The following LRBA variants were observed in gnomAD, a reference collection of about 807,000 sequenced individuals.
LRBA encodes the protein LPS responsive beige-like anchor protein.
A neutral mutation model predicts 330.0 loss-of-function variants in LRBA; 176 were observed. The observed-to-expected ratio is 0.53, with a 90% CI of 0.47 to 0.60. The LOEUF (loss-of-function observed/expected upper bound fraction) is 0.60. Ranked by LOEUF, LRBA falls within the 20% of genes least tolerant of loss-of-function variation. The pLI is 0.00. For missense variants in LRBA, 3,259 were observed against 3,444.8 expected (o/e 0.95, Z 1.35); for synonymous variants, 1,230 against 1,193.0 (o/e 1.03, Z -0.64).
At chr4:150,591,747 G>A (rs1238149628) in intron 38 of LRBA, among the ~76,000 whole-genome samples, 1 of 152,032 alleles carries the variant, frequency 6.6e-6, no homozygotes, top group East Asian at 1.9e-4. Flanking sequence ...GCAGGCAGAT[G>A]GAGGAAAAGA....
At chr4:150,969,334 A>C (rs1739263336) in intron 2 of LRBA, among the ~76,000 whole-genome samples, 1 of 152,270 alleles carries the variant, frequency 6.6e-6, no homozygotes, top group African/African-American at 2.4e-5. Context: ...ACCTTCTGAA[A>C]ATGATTCACC....
chr4:150,725,394 T>C (rs1469466468), intron 36 of LRBA, among the ~76,000 whole-genome samples: 1 of 152,192 alleles, frequency 6.6e-6, no homozygotes, highest in African/African-American at 2.4e-5. Context: ...CAGCAGACTT[T>C]TCAGCGGAAA....
rs368584602 is a variant in LRBA at position 150,852,926 on chromosome 4, G to A, written c.2784C>T (p.His928=). 1.3e-6 allele frequency: 2 copies of A among 1,569,110 alleles called. No homozygotes were observed. The highest frequency in any genetic ancestry group is 2.7e-5 in the African/African-American group (2 of 73,152). Residue 928 remains histidine (H), a synonymous_variant, in exon 23 of 57, where the codon CAC becomes CAT. Transcript: ENST00000651943. ...TAAATATATTGGCAAGGTTTTCTTT[G>A]TGTATTTCAAAAGTGACCTAGGTGA... is the stretch of plus-strand genomic sequence containing the variant. The part of the protein sequence containing the change: ...ITHSKVTFEI[H]KENLANIFRE...
chr4:150,769,797 T>C (rs1294143126), intron 34 of LRBA, among the ~76,000 whole-genome samples: 1 of 152,220 alleles, frequency 6.6e-6, no homozygotes, highest in Non-Finnish European at 1.5e-5. Flanking sequence ...CCTTGTCAGC[T>C]TGGCACTCAT....
At chr4:150,469,177 GA>G (rs1755803053) in intron 43 of LRBA, among the ~76,000 whole-genome samples, 1 of 152,034 alleles carries the variant, frequency 6.6e-6, no homozygotes, top group South Asian at 2.1e-4. Flanking sequence ...CCTGCTCAGT[GA>G]TTAGACTTAA....
chr4:150,904,950 G>C (rs774297346), intron 13 of LRBA, among the ~76,000 whole-genome samples: 4 of 152,024 alleles, frequency 2.6e-5, no homozygotes, highest in Non-Finnish European at 5.9e-5. Context: ...TGGGCCAAAA[G>C]GCAGAAGGGG....
chr4:150,288,627 C>T (rs1748464016), intron 53 of LRBA, among the ~76,000 whole-genome samples: 1 of 151,932 alleles, frequency 6.6e-6, no homozygotes, highest in Non-Finnish European at 1.5e-5. Context: ...ATACTTTAGC[C>T]CTGATTCTTG....
intron 37 of LRBA, 108 bp from the exon 38 acceptor site, chr4:150,599,239 C>A: frequency 8.3e-7 from 1 of 1,197,912 alleles, no homozygotes; most frequent in Non-Finnish European, 1.2e-6. Context: ...TTTTCCCTCT[C>A]CTTCCACTTA....
intron 25 of LRBA, 41 bp from the exon 26 acceptor site, chr4:150,849,039 G>T: frequency 7.3e-7 from 1 of 1,364,452 alleles, no homozygotes; most frequent in Non-Finnish European, 9.9e-7. Context: ...TATATATTCT[G>T]AAAAAAAAAT....
At position 150,687,352 on chromosome 4, in the gene LRBA, G is replaced by A. The variant is rs1396822433; in HGVS notation, c.5755-3635C>T. Among the ~76,000 whole-genome samples, 5 of 151,980 alleles carry A rather than the reference G, an allele frequency of 3.3e-5. No homozygotes were observed. In the East Asian group the frequency reaches 7.7e-4, roughly 23 times the overall value. On this transcript the variant is annotated intron_variant, in intron 36 of 56. Transcript: ENST00000651943. ...ACCTGTATTTGGAGGTTGAGTGGAG[G>A]TACAAGAGACCTTAACAAATATTGC...
intron 42 of LRBA, among the ~76,000 whole-genome samples, chr4:150,475,887 A>G (rs1451061785): frequency 6.6e-6 from 1 of 151,990 alleles, no homozygotes; most frequent in African/African-American, 2.4e-5. Flanking sequence ...CCAGGGCAAC[A>G]GAGCAAGATC....
intron 34 of LRBA, among the ~76,000 whole-genome samples, chr4:150,771,474 A>G (rs1736554209): frequency 6.6e-6 from 1 of 152,194 alleles, no homozygotes; most frequent in South Asian, 2.1e-4. Flanking sequence ...GCTAAGCAAT[A>G]CAATGAAGGT....
intron 3 of LRBA, 62 bp from the exon 4 acceptor site, chr4:150,928,678 A>ATT: frequency 7.1e-7 from 1 of 1,414,476 alleles, no homozygotes; most frequent in Non-Finnish European, 9.9e-7. Flanking sequence ...TATTTAAAAT[A>ATT]AACTGTGCTT....
Position 150,525,792 on chromosome 4 carries a change from T to C in LRBA, c.6331-34757A>G, listed in dbSNP as rs911518306. Among the ~76,000 whole-genome samples, 8 of 152,270 alleles carry C rather than the reference T, an allele frequency of 5.3e-5. No homozygotes were observed. In the East Asian group the frequency reaches 1.5e-3, roughly 29 times the overall value. ...TTCCATCTGAATGAAATTATATAAC[T>C]ATATTATGCTAGGTTGTAGGCAAGG... On this transcript the variant is annotated intron_variant, in intron 40 of 56. Transcript: ENST00000651943.
At chr4:150,516,326 T>C (rs1368656938) in intron 40 of LRBA, among the ~76,000 whole-genome samples, 2 of 146,106 alleles carry the variant, frequency 1.4e-5, no homozygotes, top group Non-Finnish European at 3.0e-5. Flanking sequence ...ACCTAGACTG[T>C]ACAGTGGCTT....
intron 37 of LRBA, among the ~76,000 whole-genome samples, chr4:150,608,995 C>T (rs1299914382): frequency 2.6e-5 from 4 of 150,982 alleles, no homozygotes; most frequent in South Asian, 4.2e-4. Context: ...TTTGATTATC[C>T]ATTCATGTAC....
At chr4:150,389,540 C>T (rs950664999) in intron 47 of LRBA, among the ~76,000 whole-genome samples, 1 of 151,576 alleles carries the variant, frequency 6.6e-6, no homozygotes, top group Non-Finnish European at 1.5e-5. Flanking sequence ...GAAACCCCAT[C>T]TCTACTAAAA....
At chr4:150,417,092 TTAAGTA>T (rs1209975657) in intron 46 of LRBA, among the ~76,000 whole-genome samples, 56 of 152,082 alleles carry the variant, frequency 3.7e-4, no homozygotes, top group Admixed American at 3.7e-3. Context: ...GCTAAACATT[TTAAGTA>T]TAAGTTTTTA....
At chr4:150,954,817 C>CAAAA (rs34282784) in intron 2 of LRBA, among the ~76,000 whole-genome samples, 7 of 45,496 alleles carry the variant, frequency 1.5e-4, no homozygotes, top group South Asian at 8.8e-4. Flanking sequence ...ACTCAGAAAT[C>CAAAA]AAAAAAAAAA....
Sources: allele counts gnomAD v4.1 joint callset (sites outside exome capture counted in the v4.1 genomes callset), GRCh38; gene constraint gnomAD v4.1.1; transcripts MANE v1.5; gene names NCBI Gene and HGNC (gene_info 2026-07-23, HGNC 2026-07-21).